The following CYC1 variants were observed in gnomAD, a reference collection of about 807,000 sequenced individuals.
CYC1 encodes the protein cytochrome c1, also known as cytochrome c1, heme protein, mitochondrial.
A neutral mutation model predicts 33.8 loss-of-function variants in CYC1; 10 were observed. The ratio of observed to expected loss-of-function variants is 0.30; its 90% CI spans 0.18 to 0.50. The LOEUF (loss-of-function observed/expected upper bound fraction) is 0.50, where lower values mean the gene tolerates loss of function less well. CYC1 is among the 20% of genes least tolerant of loss of function. The probability of loss-of-function intolerance (pLI) is 0.98; values close to 1 mark genes in which losing one functional copy is unlikely to be tolerated. For synonymous variants in CYC1, 224 were observed against 181.9 expected (o/e 1.23, Z -1.86); for missense variants, 459 against 437.6 (o/e 1.05, Z -0.44).
In CYC1 at chr8:144,096,645, G is replaced by C. The variant is rs759861941; in HGVS notation, c.673G>C (p.Val225Leu). 6.2e-7 allele frequency: 1 copy of C among 1,614,040 alleles called. No homozygotes were observed. The highest frequency in any genetic ancestry group is 1.1e-5 in the South Asian group (1 of 91,080). ...LTGYCEPPTGVSLREGLYFNP... is the reference protein window; with the variant it reads ...LTGYCEPPTGLSLREGLYFNP... ...GGGCTACTGCGAGCCACCCACCGGG[G>C]TGTCACTGCGGGAAGGTCTCTACTT... Residue 225 changes from valine to leucine, a missense_variant, in exon 5 of 7, where the codon GTG (valine) becomes CTG (leucine). Coordinates refer to ENST00000318911, the MANE Select transcript of CYC1 (RefSeq NM_001916.5).
intron 2 of CYC1, 43 bp from the exon 3 acceptor site, chr8:144,096,080 TA>T (rs1462155133): frequency 6.2e-7 from 1 of 1,604,734 alleles, no homozygotes; most frequent in Non-Finnish European, 8.5e-7. Flanking sequence ...GTGGAGCTGG[TA>T]AGGTGGAATC....
intron 4 of CYC1, 42 bp downstream of exon 4, chr8:144,096,536 A>T: frequency 6.2e-7 from 1 of 1,613,514 alleles, no homozygotes; most frequent in Non-Finnish European, 8.5e-7. Context: ...GAGATGGGGG[A>T]AGGGCTGACT....
At chr8:144,095,803 C>G in intron 1 of CYC1, 30 bp from the exon 2 acceptor site, 1 of 1,598,004 alleles carries the variant, frequency 6.3e-7, no homozygotes, top group Non-Finnish European at 8.5e-7. Context: ...TGGGTGGTGT[C>G]CTGGCAGGCG....
intron 1 of CYC1, 109 bp from the exon 2 acceptor site, chr8:144,095,724 G>A (rs1836135656): frequency 1.7e-6 from 2 of 1,164,976 alleles, no homozygotes; most frequent in Admixed American, 2.1e-5. Flanking sequence ...TGTGCGTCTG[G>A]TGCCCTGCAG....
chr8:144,095,325 G>A (rs1836127586), intron 1 of CYC1, 97 bp downstream of exon 1: 2 of 1,050,064 alleles, frequency 1.9e-6, no homozygotes, highest in Admixed American at 9.2e-5. Flanking sequence ...CAGCGCGGAA[G>A]CGGTACCGGC....
Position 144,096,209 on chromosome 8 carries a change from G to C in CYC1, c.412G>C (p.Val138Leu), listed in dbSNP as rs751537090. Reference protein sequence around the residue: ...DFVAYRHLVGVCYTEDEAKEL... With the variant: ...DFVAYRHLVGLCYTEDEAKEL... ...CGTGGCCTACCGCCACCTGGTGGGC[G>C]TGTGCTACACGGAGGATGAAGCTAA... is the stretch of plus-strand genomic sequence containing the variant. Residue 138 changes from valine to leucine, a missense_variant, in exon 3 of 7, where the codon GTG becomes CTG. Transcript: ENST00000318911. The C allele has an allele frequency of 1.2e-6, 2 of 1,614,116 alleles. No individual in the cohort carries two copies. The highest frequency in any genetic ancestry group is 1.7e-6 in the Non-Finnish European group (2 of 1,180,002).
intron 1 of CYC1, chr8:144,095,592 C>T: frequency 1.8e-6 from 1 of 570,314 alleles, no homozygotes; most frequent in African/African-American, 1.9e-5. Flanking sequence ...TTGGCCTGTC[C>T]CAGCACCCTT....
chr8:144,096,968 A>AG lies in CYC1; in HGVS notation c.773-59dup, dbSNP rs997597903. On this transcript the variant is annotated intron_variant, in intron 5 of 6. Coordinates refer to ENST00000318911, the MANE Select transcript of CYC1 (RefSeq NM_001916.5). ...GGTAGGGGCAGTGTCTGCTTCACAGAGGGGGGGCATGATCCCAGGTTGGAC... is the reference window on the plus strand; with the variant it reads ...GGTAGGGGCAGTGTCTGCTTCACAGAGGGGGGGGCATGATCCCAGGTTGGAC... 91 of 1,399,160 alleles carry AG rather than the reference A, an allele frequency of 6.5e-5. No individual in the cohort carries two copies. The East Asian group carries it at 1.2e-3, about 19-fold the overall frequency. The allele number at this position is 1,399,160 out of a possible 1,614,324, so 86.7% of individuals were successfully genotyped here. A position where few individuals can be genotyped will look rare whatever the true frequency, so the allele number is the denominator to read the frequency against.
chr8:144,097,197 C>T (rs372859144), intron 6 of CYC1, 35 bp from the exon 7 acceptor site: 2 of 1,609,094 alleles, frequency 1.2e-6, no homozygotes, highest in Non-Finnish European at 1.7e-6. Context: ...CAGGGCTCCT[C>T]CCCACTCCCT....
rs1264576479 is a variant in CYC1, at chr8:144,096,188, G to T, written c.391G>T (p.Ala131Ser). The change falls in exon 3 of 7, where the codon GCC becomes TCC. Residue 131 changes from alanine to serine, a missense_variant. Transcript: ENST00000318911. ...CTCCTGCCACAGCATGGACTTCGTG[G>T]CCTACCGCCACCTGGTGGGCGTGTG... ...CASCHSMDFV[A>S]YRHLVGVCYT... 1 of 1,614,090 alleles carries T rather than the reference G, an allele frequency of 6.2e-7. No homozygotes were observed. Among genetic ancestry groups the T allele is most frequent in the East Asian group, 2.2e-5 (1 of 44,892 alleles).
chr8:144,096,686 T>C lies in CYC1; in HGVS notation c.714T>C (p.Pro238=), dbSNP rs778699664. 4 of 1,612,304 alleles carry C rather than the reference T, an allele frequency of 2.5e-6. No homozygotes were observed. The highest frequency in any genetic ancestry group is 2.5e-6 in the Non-Finnish European group (3 of 1,179,452). ...GTCTCTACTTCAACCCCTACTTTCC[T>C]GGCCAGGCCATTGCCATGGCCCCTC... ...REGLYFNPYF[P]GQAIAMAPPI... Residue 238 remains proline, a synonymous_variant, in exon 5 of 7, where the codon CCT becomes CCC. Transcript: ENST00000318911.
rs766188747 is a variant in CYC1, at chr8:144,097,353, C to A, written c.*17C>A. 9 of 1,607,076 alleles carry A rather than the reference C, an allele frequency of 5.6e-6. No homozygotes were observed. The highest frequency in any genetic ancestry group is 7.7e-6 in the Non-Finnish European group (9 of 1,174,444). ...CCCAAGTGACCCTGTCCAGTGTCTG[C>A]TTGCCATCCTGCCAGAACAGGCCCT... On this transcript the variant is annotated 3_prime_UTR_variant, in exon 7 of 7. Transcript: ENST00000318911.
At chr8:144,095,512 G>T in intron 1 of CYC1, 1 of 454,272 alleles carries the variant, frequency 2.2e-6, no homozygotes. Flanking sequence ...CGGCTCTTGC[G>T]GCTGGCTGTC....
At chr8:144,095,251 G>C (rs1295001979) in intron 1 of CYC1, 23 bp downstream of exon 1, 1 of 1,196,082 alleles carries the variant, frequency 8.4e-7, no homozygotes, top group Non-Finnish European at 1.0e-6. Flanking sequence ...CCGGGCCCCG[G>C]CCTCCGCGCG....
At chr8:144,095,702 A>C in intron 1 of CYC1, 131 bp from the exon 2 acceptor site, 1 of 876,842 alleles carries the variant, frequency 1.1e-6, no homozygotes, top group Non-Finnish European at 1.8e-6. Context: ...TGGGGTGGGT[A>C]GTGGGACAGG....
chr8:144,096,098 T>C (rs993657678), intron 2 of CYC1, 26 bp from the exon 3 acceptor site: 3 of 1,607,966 alleles, frequency 1.9e-6, no homozygotes, highest in Non-Finnish European at 2.5e-6. Context: ...AATCTTCAGC[T>C]TTCCTAACCC....
intron 1 of CYC1, 56 bp downstream of exon 1, chr8:144,095,284 A>C (rs1253564426): frequency 8.4e-7 from 1 of 1,185,372 alleles, no homozygotes; most frequent in Non-Finnish European, 1.0e-6. Context: ...CGTGAAGGTC[A>C]CGGCGGGGAG....
chr8:144,096,805 GC>G lies in CYC1; in HGVS notation c.772+62del. ...ATACTTCTCCACTACCCCCAGGGAT[GC>G]TTTCCCTGTGTTCCTGGGTCCAGGA... On this transcript the variant is annotated intron_variant, in intron 5 of 6. Coordinates refer to ENST00000318911, the MANE Select transcript of CYC1 (RefSeq NM_001916.5). 2.0e-6 allele frequency: 3 copies of G among 1,478,910 alleles called. No homozygotes were observed. In the South Asian group the frequency reaches 3.5e-5, roughly 17 times the overall value. 91.6% of individuals were successfully genotyped at this position (1,478,910 alleles called of 1,614,324 possible).
At chr8:144,096,089 A>G (rs1438667463) in intron 2 of CYC1, 35 bp from the exon 3 acceptor site, 2 of 1,606,812 alleles carry the variant, frequency 1.2e-6, no homozygotes, top group Non-Finnish European at 1.7e-6. Context: ...GTAAGGTGGA[A>G]TCTTCAGCTT....
Sources: allele counts gnomAD v4.1 joint callset, GRCh38; gene constraint gnomAD v4.1.1; transcripts MANE v1.5; gene names NCBI Gene and HGNC (gene_info 2026-07-23, HGNC 2026-07-21).